The following VTCN1 variants were observed in gnomAD, a reference collection of about 807,000 sequenced individuals.
VTCN1 encodes V-set domain-containing T-cell activation inhibitor 1.
In VTCN1, 26 loss-of-function variants were observed where a neutral mutation model predicts 26.5. The ratio of observed to expected loss-of-function variants is 0.98; its 90% CI spans 0.72 to 1.36. The LOEUF is 1.36. Ranked by LOEUF, VTCN1 falls within the 40% of genes most tolerant of loss-of-function variation. The pLI, the probability that VTCN1 is intolerant of heterozygous loss-of-function variation, is 0.00. For missense variants in VTCN1, 298 were observed against 337.7 expected, an observed-to-expected ratio of 0.88 and a Z score of 0.92; for synonymous variants, 116 against 130.7, an observed-to-expected ratio of 0.89 and a Z score of 0.77.
Position 117,208,616 on chromosome 1 carries a change from CCT to C in VTCN1, c.32+2206_32+2207del, listed in dbSNP as rs377450850. On this transcript the variant is annotated intron_variant, in intron 1 of 5. Transcript: ENST00000369458. ...CCCCTCAGAGCAAGGGTTTTCTACC[CCT>C]GTCCTCCTAGCAAGCATTCTGCAAA... is the stretch of plus-strand genomic sequence containing the variant. Among the ~76,000 whole-genome samples the C allele has an allele frequency of 1.1e-4, 16 of 152,274 alleles. No individual in the cohort carries two copies. In the South Asian group the frequency reaches 3.3e-3, roughly 32 times the overall value.
At chr1:117,178,094 C>A (rs1647462760) in intron 1 of VTCN1, among the ~76,000 whole-genome samples, 1 of 151,022 alleles carries the variant, frequency 6.6e-6, no homozygotes, top group Non-Finnish European at 1.5e-5. Context: ...TGCACACCAC[C>A]CAGCTAATTA....
At position 117,156,692 on chromosome 1, in the gene VTCN1, T is replaced by A; in HGVS notation, c.327A>T (p.Ile109=). The stretch of plus-strand genomic sequence containing the variant: ...TCAGCCGCAAAGAGGCATTGCCAAC[T>A]ATCACTTGATCAGCAAACACTGCTG... ...GRTAVFADQV[I]VGNASLRLKN... is the part of the protein sequence containing the mutation. Residue 109 remains isoleucine (I), a synonymous_variant, in exon 3 of 6, where the codon ATA becomes ATT. Transcript: ENST00000369458. 1 of 1,614,198 alleles carries A rather than the reference T, an allele frequency of 6.2e-7. No homozygotes were observed. Among genetic ancestry groups the A allele is most frequent in the South Asian group, 1.1e-5 (1 of 91,080 alleles).
intron 4 of VTCN1, among the ~76,000 whole-genome samples, chr1:117,149,132 ATG>A (rs1651662773): frequency 6.6e-6 from 1 of 152,148 alleles, no homozygotes; most frequent in Non-Finnish European, 1.5e-5. Flanking sequence ...AAGGAAATAT[ATG>A]GAGTAAGGGT....
At chr1:117,157,486 C>A (rs1275570316) in intron 2 of VTCN1, among the ~76,000 whole-genome samples, 2 of 152,040 alleles carry the variant, frequency 1.3e-5, no homozygotes, top group Non-Finnish European at 2.9e-5. Context: ...AAGCAGAAAC[C>A]CCTGATAAAC....
chr1:117,196,843 C>T (rs1648537050), intron 1 of VTCN1, among the ~76,000 whole-genome samples: 2 of 152,114 alleles, frequency 1.3e-5, no homozygotes, highest in South Asian at 4.1e-4. Flanking sequence ...TCACAAACTA[C>T]CCCAGGCAAT....
At chr1:117,178,342 C>T (rs868157304) in intron 1 of VTCN1, among the ~76,000 whole-genome samples, 1 of 150,554 alleles carries the variant, frequency 6.6e-6, no homozygotes, top group African/African-American at 2.4e-5. Flanking sequence ...CTGCAACCTC[C>T]ACCTCCTGAG....
chr1:117,166,625 G>A (rs1652625471), intron 2 of VTCN1, among the ~76,000 whole-genome samples: 1 of 148,180 alleles, frequency 6.7e-6, no homozygotes, highest in Admixed American at 6.8e-5. Context: ...GTGTGGTGGT[G>A]CGCGCCTGTA....
chr1:117,190,594 C>T (rs77482303), intron 1 of VTCN1, among the ~76,000 whole-genome samples: 1 of 152,204 alleles, frequency 6.6e-6, no homozygotes, highest in African/African-American at 2.4e-5. Context: ...ATCAGCCCTA[C>T]TGACCAAAAT....
chr1:117,201,673 C>T (rs957056407), intron 1 of VTCN1, among the ~76,000 whole-genome samples: 1 of 152,180 alleles, frequency 6.6e-6, no homozygotes, highest in Non-Finnish European at 1.5e-5. Context: ...TGAAGGTGAC[C>T]ACTGTGGGAT....
chr1:117,154,431 T>C (rs1651959448), intron 3 of VTCN1, among the ~76,000 whole-genome samples: 1 of 152,256 alleles, frequency 6.6e-6, no homozygotes, highest in South Asian at 2.1e-4. Context: ...AGTTCTGGCA[T>C]AGGCCTCACC....
intron 1 of VTCN1, among the ~76,000 whole-genome samples, chr1:117,188,737 G>T (rs2101573573): frequency 6.6e-6 from 1 of 152,222 alleles, no homozygotes; most frequent in South Asian, 2.1e-4. Flanking sequence ...CTGCATGGCA[G>T]CCCATTTTTT....
chr1:117,174,813 CT>C (rs1191833146), intron 1 of VTCN1, among the ~76,000 whole-genome samples: 1 of 152,130 alleles, frequency 6.6e-6, no homozygotes, highest in Admixed American at 6.6e-5. Flanking sequence ...AAGAAAAAGG[CT>C]TTATTCAGAA....
intron 1 of VTCN1, among the ~76,000 whole-genome samples, chr1:117,187,049 G>T (rs1345996332): frequency 6.6e-6 from 1 of 151,844 alleles, no homozygotes; most frequent in East Asian, 1.9e-4. Context: ...CACTTTAGGA[G>T]GCCAAGGCAG....
chr1:117,185,290 G>A (rs1647879171), intron 1 of VTCN1, among the ~76,000 whole-genome samples: 1 of 152,188 alleles, frequency 6.6e-6, no homozygotes, highest in Admixed American at 6.5e-5. Context: ...AAAGAGGCAG[G>A]AATGACTAGG....
intron 1 of VTCN1, among the ~76,000 whole-genome samples, chr1:117,189,308 T>C (rs973591911): frequency 6.6e-6 from 1 of 152,206 alleles, no homozygotes; most frequent in Non-Finnish European, 1.5e-5. Context: ...TTTCTCTCAT[T>C]TCCTTTTCAG....
At chr1:117,149,968 G>A (rs1205463929) in intron 4 of VTCN1, among the ~76,000 whole-genome samples, 1 of 152,206 alleles carries the variant, frequency 6.6e-6, no homozygotes, top group East Asian at 1.9e-4. Flanking sequence ...AAAGAAGACA[G>A]ATCTGTTAAT....
At chr1:117,197,935 G>C (rs373253173) in intron 1 of VTCN1, among the ~76,000 whole-genome samples, 2 of 152,240 alleles carry the variant, frequency 1.3e-5, no homozygotes, top group African/African-American at 2.4e-5. Context: ...AAAGCAAAAG[G>C]CTTGTTTGTA....
At chr1:117,179,635 A>G (rs145634865) in intron 1 of VTCN1, among the ~76,000 whole-genome samples, 9 of 152,338 alleles carry the variant, frequency 5.9e-5, no homozygotes, top group East Asian at 3.9e-4. Context: ...CTAGTACCAG[A>G]TAAAGCTTCA....
Position 117,169,078 on chromosome 1 carries a change from G to A in VTCN1, c.97+1029C>T, listed in dbSNP as rs905123768. Among the ~76,000 whole-genome samples, 3 of 152,188 alleles carry A rather than the reference G, an allele frequency of 2.0e-5. No individual in the cohort carries two copies. The highest frequency in any genetic ancestry group is 4.4e-5 in the Non-Finnish European group (3 of 68,042). On this transcript the variant is annotated intron_variant, in intron 2 of 5. Coordinates refer to ENST00000369458, the MANE Select transcript of VTCN1 (RefSeq NM_024626.4). This position sits in a 1 kb window ranked among gnomAD's most constrained non-coding sequence, Gnocchi z 4.0. ...TAGAAAATAAAGTTACGGAGCTTTG[G>A]TCACAGACTGAGTTAAAATGAATGT...
Sources: gnomAD v4.1 joint callset for allele counts (sites outside exome capture counted in the v4.1 genomes callset) on GRCh38, gnomAD v4.1.1 for gene constraint, Gnocchi (gnomAD v3.1) non-coding constraint, MANE v1.5 for transcripts, NCBI Gene and HGNC (gene_info 2026-07-23, HGNC 2026-07-21) for gene names.